The following CTNNBL1 variants were observed in gnomAD, a reference collection of about 807,000 sequenced individuals.
CTNNBL1 encodes beta-catenin-like protein 1.
A neutral mutation model predicts 72.7 loss-of-function variants in CTNNBL1; 31 were observed. The observed-to-expected ratio is 0.43, with a 90% CI of 0.32 to 0.58. The LOEUF (loss-of-function observed/expected upper bound fraction) is 0.58, where lower values mean the gene tolerates loss of function less well. Among genes scored for constraint, CTNNBL1 ranks in the 20% least tolerant of loss-of-function variants. CTNNBL1 has a pLI of 0.08. For missense variants in CTNNBL1, 534 were observed against 725.1 expected (o/e 0.74, Z 3.03); for synonymous variants, 240 against 267.3 (o/e 0.90, Z 1.00).
At chr20:37,862,461 C>T (rs997177071) in intron 15 of CTNNBL1, among the ~76,000 whole-genome samples, 3 of 152,182 alleles carry the variant, frequency 2.0e-5, no homozygotes, top group African/African-American at 7.2e-5. Context: ...CTTTCTCAAA[C>T]CCTGCCACAC....
intron 11 of CTNNBL1, among the ~76,000 whole-genome samples, chr20:37,818,243 ACCCTAGAGG>A (rs930303482): frequency 3.3e-5 from 5 of 152,082 alleles, no homozygotes; most frequent in Non-Finnish European, 7.4e-5. Flanking sequence ...CCTCAGACCC[ACCCTAGAGG>A]CACTTACCTT....
intron 13 of CTNNBL1, among the ~76,000 whole-genome samples, chr20:37,855,327 CTT>C (rs1322965161): frequency 6.6e-6 from 1 of 152,130 alleles, no homozygotes; most frequent in Non-Finnish European, 1.5e-5. Flanking sequence ...CCCAAATAGA[CTT>C]AGTCCAGCCT....
At chr20:37,780,061 G>A (rs915977547) in intron 10 of CTNNBL1, among the ~76,000 whole-genome samples, 2 of 150,292 alleles carry the variant, frequency 1.3e-5, no homozygotes, top group Non-Finnish European at 3.0e-5. Flanking sequence ...ATAGGGTCAA[G>A]GGACTTAAAA....
intron 5 of CTNNBL1, among the ~76,000 whole-genome samples, chr20:37,761,136 C>T (rs928058578): frequency 2.6e-5 from 4 of 152,260 alleles, no homozygotes; most frequent in Non-Finnish European, 4.4e-5. Context: ...ATGCAGGCAT[C>T]GGTGATGGCC....
intron 10 of CTNNBL1, among the ~76,000 whole-genome samples, chr20:37,801,891 TAGAA>T (rs1330310607): frequency 6.6e-6 from 1 of 152,216 alleles, no homozygotes; most frequent in East Asian, 1.9e-4. Context: ...GCATCTATAT[TAGAA>T]AGGAAGAAGT....
At chr20:37,747,698 C>T (rs917415918) in intron 4 of CTNNBL1, among the ~76,000 whole-genome samples, 1 of 152,146 alleles carries the variant, frequency 6.6e-6, no homozygotes, top group Non-Finnish European at 1.5e-5. Flanking sequence ...ACTCCTTAGC[C>T]TCCTGAGGAG....
intron 1 of CTNNBL1, among the ~76,000 whole-genome samples, chr20:37,725,285 C>G (rs1199926586): frequency 6.6e-6 from 1 of 151,868 alleles, no homozygotes; most frequent in Non-Finnish European, 1.5e-5. Flanking sequence ...TTCTTTCCAA[C>G]CTTGAGCCTC....
chr20:37,736,065 A>G (rs1305321416), intron 2 of CTNNBL1, among the ~76,000 whole-genome samples: 1 of 152,212 alleles, frequency 6.6e-6, no homozygotes, highest in Non-Finnish European at 1.5e-5. Context: ...TTGCTTTCAT[A>G]GGTATTATTC....
intron 11 of CTNNBL1, among the ~76,000 whole-genome samples, chr20:37,804,055 T>C (rs1340606120): frequency 1.3e-5 from 2 of 152,158 alleles, no homozygotes; most frequent in Admixed American, 6.5e-5. Context: ...TTCAGTGATA[T>C]CTTCTCTATC....
intron 11 of CTNNBL1, among the ~76,000 whole-genome samples, chr20:37,811,060 C>G (rs2072008358): frequency 6.6e-6 from 1 of 152,182 alleles, no homozygotes; most frequent in South Asian, 2.1e-4. Context: ...GTTTGTATTC[C>G]TCCTCCTTCT....
At chr20:37,703,064 C>G (rs150676844) in intron 1 of CTNNBL1, among the ~76,000 whole-genome samples, 1,552 of 152,286 alleles carry the variant, frequency 0.01, 15 homozygotes, top group South Asian at 0.023. Flanking sequence ...TCTTGCCACT[C>G]TTGCTACAAA....
chr20:37,833,239 C>T (rs2072226775), intron 11 of CTNNBL1, among the ~76,000 whole-genome samples: 2 of 152,144 alleles, frequency 1.3e-5, no homozygotes, highest in South Asian at 4.1e-4. Context: ...CTCGAACTGC[C>T]CCCTGGAAAA....
At chr20:37,703,234 T>A (rs1178326098) in intron 1 of CTNNBL1, among the ~76,000 whole-genome samples, 1 of 152,244 alleles carries the variant, frequency 6.6e-6, no homozygotes, top group African/African-American at 2.4e-5. Flanking sequence ...TTAACATTCG[T>A]GTAATACTAG....
intron 4 of CTNNBL1, among the ~76,000 whole-genome samples, chr20:37,754,950 G>A (rs944771908): frequency 1.3e-5 from 2 of 151,904 alleles, no homozygotes; most frequent in Non-Finnish European, 2.9e-5. Context: ...TGGGATTACA[G>A]GCATGTGCCA....
chr20:37,747,157 T>C (rs904554213), intron 4 of CTNNBL1, among the ~76,000 whole-genome samples: 3 of 152,126 alleles, frequency 2.0e-5, no homozygotes, highest in Admixed American at 1.3e-4. Context: ...GTGGTTGGAT[T>C]ACTTAAGGTC....
chr20:37,741,054 A>G (rs2122613329), intron 3 of CTNNBL1, among the ~76,000 whole-genome samples: 1 of 152,320 alleles, frequency 6.6e-6, no homozygotes, highest in African/African-American at 2.4e-5. Context: ...GAAGGAGAAT[A>G]TCCTGCTGGT....
intron 13 of CTNNBL1, 149 bp downstream of exon 13, chr20:37,842,568 G>A: frequency 1.5e-6 from 1 of 650,612 alleles, no homozygotes; most frequent in South Asian, 1.8e-5. Flanking sequence ...CTGCCAAGTG[G>A]TTACGACTGC....
intron 1 of CTNNBL1, among the ~76,000 whole-genome samples, chr20:37,721,290 G>A (rs2073038617): frequency 6.6e-6 from 1 of 152,150 alleles, no homozygotes; most frequent in Non-Finnish European, 1.5e-5. Flanking sequence ...GGTGAATTGG[G>A]TTTTATACTT....
chr20:37,796,894 A>G (rs1026556415), intron 10 of CTNNBL1, among the ~76,000 whole-genome samples: 6 of 152,118 alleles, frequency 3.9e-5, no homozygotes, highest in Admixed American at 6.5e-5. Flanking sequence ...TGAAGTGCAC[A>G]TGTTACTTAC....
Sources: allele counts gnomAD v4.1 joint callset (sites outside exome capture counted in the v4.1 genomes callset), GRCh38; gene constraint gnomAD v4.1.1; transcripts MANE v1.5; gene names NCBI Gene and HGNC (gene_info 2026-07-23, HGNC 2026-07-21).